TBC1D19: variants seen among roughly 807,000 people sequenced by gnomAD.
TBC1D19 encodes TBC1 domain family, member 19.
Under a neutral mutation model 89.0 loss-of-function variants are expected in TBC1D19, and 60 were observed. The ratio of observed to expected loss-of-function variants is 0.67; its 90% CI spans 0.55 to 0.84. The LOEUF is 0.84. Among genes scored for constraint, TBC1D19 ranks in the 40% least tolerant of loss-of-function variants. TBC1D19 has a pLI of 0.00. For missense variants in TBC1D19, 500 were observed against 610.8 expected, an observed-to-expected ratio of 0.82 and a Z score of 1.91; for synonymous variants, 189 against 199.7, an observed-to-expected ratio of 0.95 and a Z score of 0.45.
chr4:26,658,103 G>T (rs1359440334), intron 7 of TBC1D19, among the ~76,000 whole-genome samples: 2 of 152,076 alleles, frequency 1.3e-5, no homozygotes, highest in Non-Finnish European at 2.9e-5. Flanking sequence ...GATCCCATTT[G>T]TCAATTTTGG....
intron 1 of TBC1D19, among the ~76,000 whole-genome samples, chr4:26,612,212 T>C (rs541113598): frequency 6.6e-6 from 1 of 150,936 alleles, no homozygotes; most frequent in East Asian, 1.9e-4. Flanking sequence ...GGATTTGGCT[T>C]TGCTATCTAG....
At chr4:26,842,405 T>A in the TBC1D19 span, among the ~76,000 whole-genome samples, 1 of 137,478 alleles carries the variant, frequency 7.3e-6, no homozygotes, top group Non-Finnish European at 1.5e-5. Flanking sequence ...AGTGCAGTGG[T>A]GTGATCACGG....
At chr4:26,734,398 G>A (rs1168775360) in intron 15 of TBC1D19, among the ~76,000 whole-genome samples, 2 of 152,110 alleles carry the variant, frequency 1.3e-5, no homozygotes, top group Middle Eastern at 3.2e-3. Context: ...TCTGTGCTGT[G>A]TTTGCAACCT....
intron 15 of TBC1D19, among the ~76,000 whole-genome samples, chr4:26,731,745 A>T (rs894111723): frequency 3.3e-5 from 5 of 152,142 alleles, no homozygotes; most frequent in African/African-American, 1.2e-4. Context: ...AAGAAGCCCG[A>T]TCTGCGTCGT....
intron 11 of TBC1D19, among the ~76,000 whole-genome samples, chr4:26,681,084 T>G (rs1433398163): frequency 6.6e-6 from 1 of 152,188 alleles, no homozygotes; most frequent in East Asian, 1.9e-4. Context: ...TATATTGAGT[T>G]GGGAAAGTGC....
chr4:26,611,163 A>C (rs990322330), intron 1 of TBC1D19, among the ~76,000 whole-genome samples: 3 of 152,038 alleles, frequency 2.0e-5, no homozygotes, highest in Admixed American at 1.3e-4. Flanking sequence ...ATGGTATCTC[A>C]TTGCAGTTTT....
Position 26,659,680 on chromosome 4 carries a change from A to T in TBC1D19, c.564A>T (p.Pro188=), listed in dbSNP as rs367716509. ...FRTHLGLIQV[P]LKVKDIPELK... is the part of the protein sequence containing the mutation. ...CTCATTTGGGTTTAATTCAAGTTCCACTGAAAGTAAAAGACATCCCTGAAT... is the reference window on the plus strand; with the variant it reads ...CTCATTTGGGTTTAATTCAAGTTCCTCTGAAAGTAAAAGACATCCCTGAAT... Residue 188 remains proline (P), a synonymous_variant, in exon 8 of 21, where the codon CCA becomes CCT. Transcript: ENST00000264866. The T allele has an allele frequency of 3.5e-5, 55 of 1,589,616 alleles. No individual in the cohort carries two copies. The highest frequency in any genetic ancestry group is 2.7e-5 in the African/African-American group (2 of 74,700).
intron 11 of TBC1D19, among the ~76,000 whole-genome samples, chr4:26,677,484 A>AT (rs952336332): frequency 2.6e-5 from 4 of 151,082 alleles, no homozygotes; most frequent in Admixed American, 6.6e-5. Context: ...ACACCGGCTA[A>AT]TTTTTTTTTG....
the TBC1D19 span, among the ~76,000 whole-genome samples, chr4:26,842,645 T>TTTC: frequency 1.5e-5 from 2 of 135,478 alleles, no homozygotes; most frequent in Non-Finnish European, 3.2e-5. Flanking sequence ...TCTTTCTTTC[T>TTTC]TTTTCTTTCT....
At chr4:26,598,557 G>C (rs1018238111) in intron 1 of TBC1D19, among the ~76,000 whole-genome samples, 2 of 152,132 alleles carry the variant, frequency 1.3e-5, no homozygotes, top group Non-Finnish European at 2.9e-5. Context: ...ACCACGCCCA[G>C]CTAATTTTTT....
chr4:26,633,221 T>C (rs1386599235), intron 4 of TBC1D19, among the ~76,000 whole-genome samples: 1 of 152,112 alleles, frequency 6.6e-6, no homozygotes, highest in Non-Finnish European at 1.5e-5. Context: ...CTGTATTGGG[T>C]TTCTCTTCCA....
At chr4:26,663,251 A>T (rs1370523441) in intron 8 of TBC1D19, among the ~76,000 whole-genome samples, 1 of 152,222 alleles carries the variant, frequency 6.6e-6, no homozygotes, top group Non-Finnish European at 1.5e-5. Context: ...TAAGAATGAA[A>T]ACATTGATAA....
intron 11 of TBC1D19, among the ~76,000 whole-genome samples, chr4:26,678,308 G>A (rs544344245): frequency 2.0e-5 from 3 of 152,276 alleles, no homozygotes; most frequent in South Asian, 2.1e-4. Flanking sequence ...TTCGTCAGTC[G>A]AGAAAAATGA....
the TBC1D19 span, among the ~76,000 whole-genome samples, chr4:26,814,172 C>T: frequency 6.6e-6 from 1 of 152,144 alleles, no homozygotes; most frequent in Non-Finnish European, 1.5e-5. Flanking sequence ...AGACCACGGT[C>T]CCTGTAGTGC....
the TBC1D19 span, among the ~76,000 whole-genome samples, chr4:26,852,418 G>A: frequency 2.0e-5 from 3 of 152,124 alleles, no homozygotes; most frequent in Non-Finnish European, 4.4e-5. Flanking sequence ...TTAGCTGGGT[G>A]TGGTAGTACA....
At chr4:26,732,350 C>T (rs1345209154) in intron 15 of TBC1D19, among the ~76,000 whole-genome samples, 1 of 152,164 alleles carries the variant, frequency 6.6e-6, no homozygotes, top group Non-Finnish European at 1.5e-5. Flanking sequence ...GTAAGTCCTC[C>T]TCCGCCCTAG....
At chr4:26,662,897 A>G (rs1335439941) in intron 8 of TBC1D19, 2 of 152,212 alleles carry the variant, frequency 1.3e-5, no homozygotes, top group African/African-American at 2.4e-5. Context: ...AAACAAGGTC[A>G]TAAACAAGAA....
chr4:26,613,282 A>C (rs112835624), intron 2 of TBC1D19, 41 bp downstream of exon 2: 3 of 1,279,490 alleles, frequency 2.3e-6, no homozygotes, highest in African/African-American at 1.5e-5. Context: ...AAAATAAGAA[A>C]ATGTTTTATT....
chr4:26,840,541 A>T, the TBC1D19 span, among the ~76,000 whole-genome samples: 2 of 151,804 alleles, frequency 1.3e-5, no homozygotes, highest in Non-Finnish European at 2.9e-5. Flanking sequence ...GTTTCTGCCC[A>T]TTTTTCTGCT....
Sources: gnomAD v4.1 joint callset for allele counts (sites outside exome capture counted in the v4.1 genomes callset) on GRCh38, gnomAD v4.1.1 for gene constraint, MANE v1.5 for transcripts, NCBI Gene and HGNC (gene_info 2026-07-23, HGNC 2026-07-21) for gene names.